ZRANB3: variants seen among roughly 807,000 people sequenced by gnomAD.
ZRANB3 encodes DNA annealing helicase and endonuclease ZRANB3.
In ZRANB3, 125 loss-of-function variants were observed where a neutral mutation model predicts 133.8. The ratio of observed to expected loss-of-function variants is 0.93; its 90% CI spans 0.81 to 1.08. The LOEUF is 1.08. Among genes scored for constraint, ZRANB3 ranks in the 50% least tolerant of loss-of-function variants. ZRANB3 has a pLI of 0.00. For synonymous variants in ZRANB3, 387 were observed against 432.7 expected, an observed-to-expected ratio of 0.89 and a Z score of 1.31; for missense variants, 1,229 against 1,275.5, an observed-to-expected ratio of 0.96 and a Z score of 0.56.
At chr2:135,349,958 A>T (rs1685124581) in intron 5 of ZRANB3, 26 bp downstream of exon 5, 1 of 1,601,454 alleles carries the variant, frequency 6.2e-7, no homozygotes, top group Non-Finnish European at 8.5e-7. Flanking sequence ...TCTTCTTTTA[A>T]GTTCGAAGTA....
intron 20 of ZRANB3, among the ~76,000 whole-genome samples, chr2:135,200,908 A>C (rs1693596663): frequency 6.6e-6 from 1 of 152,102 alleles, no homozygotes; most frequent in Non-Finnish European, 1.5e-5. Context: ...GGCACCTGCC[A>C]CCACACCCAG....
At chr2:135,325,414 A>AT (rs929366341) in intron 6 of ZRANB3, among the ~76,000 whole-genome samples, 82 of 148,330 alleles carry the variant, frequency 5.5e-4, no homozygotes, top group African/African-American at 1.2e-3. Context: ...CATGCCAACT[A>AT]TTTTTTTTTT....
At chr2:135,494,756 A>G (rs1574200685) in intron 2 of ZRANB3, among the ~76,000 whole-genome samples, 1 of 152,212 alleles carries the variant, frequency 6.6e-6, no homozygotes, top group East Asian at 1.9e-4. Flanking sequence ...CTGTGATGAA[A>G]CATTATAAAA....
chr2:135,239,330 G>T (rs1199784769), intron 12 of ZRANB3, among the ~76,000 whole-genome samples: 1 of 151,444 alleles, frequency 6.6e-6, no homozygotes, highest in Non-Finnish European at 1.5e-5. Context: ...GGTGGTGGGT[G>T]CACAACACAC....
chr2:135,414,669 C>G (rs1558983599), intron 2 of ZRANB3, among the ~76,000 whole-genome samples: 1 of 152,022 alleles, frequency 6.6e-6, no homozygotes, highest in Non-Finnish European at 1.5e-5. Context: ...CAGCACCACA[C>G]CACACCTATT....
intron 17 of ZRANB3, among the ~76,000 whole-genome samples, chr2:135,211,185 C>G (rs1293997997): frequency 2.0e-5 from 3 of 152,086 alleles, no homozygotes; most frequent in Non-Finnish European, 4.4e-5. Context: ...AGTGCATTAA[C>G]AGTATATTCA....
intron 8 of ZRANB3, among the ~76,000 whole-genome samples, chr2:135,311,890 G>T (rs1283542112): frequency 6.6e-6 from 1 of 152,096 alleles, no homozygotes; most frequent in Non-Finnish European, 1.5e-5. Flanking sequence ...CAGACACAAG[G>T]CTACATGCTA....
intron 2 of ZRANB3, among the ~76,000 whole-genome samples, chr2:135,474,576 C>T (rs1236309189): frequency 6.6e-6 from 1 of 152,142 alleles, no homozygotes; most frequent in East Asian, 1.9e-4. Context: ...GACATGCCTG[C>T]TCCTAACCTT....
chr2:135,261,082 G>T (rs1358896354), intron 12 of ZRANB3, among the ~76,000 whole-genome samples: 1 of 150,920 alleles, frequency 6.6e-6, no homozygotes, highest in African/African-American at 2.4e-5. Flanking sequence ...AAAAATTTTT[G>T]AGTCAAAGAA....
intron 2 of ZRANB3, among the ~76,000 whole-genome samples, chr2:135,407,321 A>C (rs543633701): frequency 2.6e-5 from 4 of 152,192 alleles, no homozygotes; most frequent in South Asian, 2.1e-4. Flanking sequence ...TGAAATAAAA[A>C]AGGATACAAA....
At chr2:135,258,709 A>C (rs1312126148) in intron 12 of ZRANB3, among the ~76,000 whole-genome samples, 1 of 152,178 alleles carries the variant, frequency 6.6e-6, no homozygotes. Flanking sequence ...AATAATTACA[A>C]AGTGCTTTGA....
At chr2:135,522,974 T>C (rs1694010689) in intron 1 of ZRANB3, among the ~76,000 whole-genome samples, 1 of 152,194 alleles carries the variant, frequency 6.6e-6, no homozygotes, top group African/African-American at 2.4e-5. Context: ...CTACCACAAA[T>C]AGTCCAGGTA....
chr2:135,314,776 T>C (rs1452858074), intron 7 of ZRANB3, among the ~76,000 whole-genome samples: 1 of 150,024 alleles, frequency 6.7e-6, no homozygotes, highest in Non-Finnish European at 1.5e-5. Flanking sequence ...TGAGATGGAG[T>C]CTCGCTCTGT....
At position 135,208,919 on chromosome 2, in the gene ZRANB3, C is replaced by G. The variant is rs779725032; in HGVS notation, c.2555G>C (p.Gly852Ala). The G allele has an allele frequency of 1.2e-6, 2 of 1,613,936 alleles. No individual in the cohort carries two copies. The highest frequency in any genetic ancestry group is 1.7e-6 in the Non-Finnish European group (2 of 1,179,878). Residue 852 changes from glycine (G) to alanine (A), a missense_variant, in exon 18 of 21, where the codon GGC becomes GCC. Physicochemically the swap from Gly to Ala is moderately conservative, Grantham distance 60. Coordinates refer to ENST00000264159, the MANE Select transcript of ZRANB3 (RefSeq NM_032143.4). ...CTCCTTTGTGATCAGACGGACATGG[C>G]CCCCAACATTCTTCACTTTGTCCAT... ...ASMDKVKNVG[G>A]HVRLITKESR...
At chr2:135,418,169 A>G (rs1264758070) in intron 2 of ZRANB3, among the ~76,000 whole-genome samples, 1 of 152,216 alleles carries the variant, frequency 6.6e-6, no homozygotes, top group Admixed American at 6.5e-5. Context: ...AAAATACAGT[A>G]TAACAATTAT....
intron 2 of ZRANB3, among the ~76,000 whole-genome samples, chr2:135,443,687 G>T (rs77313205): frequency 6.6e-6 from 1 of 151,982 alleles, no homozygotes; most frequent in Non-Finnish European, 1.5e-5. Flanking sequence ...CAAATCCGAC[G>T]TGAGGGACAT....
intron 2 of ZRANB3, among the ~76,000 whole-genome samples, chr2:135,432,049 G>A (rs1349838995): frequency 6.6e-6 from 1 of 152,064 alleles, no homozygotes; most frequent in African/African-American, 2.4e-5. Flanking sequence ...CTGGGAGTTC[G>A]AGACCAACCT....
intron 12 of ZRANB3, among the ~76,000 whole-genome samples, chr2:135,255,912 AT>A (rs760364915): frequency 0.088 from 12,174 of 138,852 alleles, 1,060 homozygotes; most frequent in African/African-American, 0.24. Flanking sequence ...ACTCATTAAA[AT>A]TTTTTTTTTT....
chr2:135,249,285 C>G (rs1412362778), intron 12 of ZRANB3, among the ~76,000 whole-genome samples: 1 of 152,202 alleles, frequency 6.6e-6, no homozygotes, highest in East Asian at 1.9e-4. Flanking sequence ...ACCATAAAGG[C>G]ACATGCACAG....
Sources: gnomAD v4.1 joint callset for allele counts (sites outside exome capture counted in the v4.1 genomes callset) on GRCh38, gnomAD v4.1.1 for gene constraint, MANE v1.5 for transcripts, NCBI Gene and HGNC (gene_info 2026-07-23, HGNC 2026-07-21) for gene names.